Variants in SSBP2 observed in about 807,000 individuals in gnomAD.
SSBP2 encodes single stranded DNA binding protein 2, also known as single-stranded DNA-binding protein 2.
SSBP2 carries 17 observed loss-of-function variants against 61.8 expected under a neutral mutation model. That is an observed-to-expected ratio of 0.28 (90% CI 0.19 to 0.41). The LOEUF (loss-of-function observed/expected upper bound fraction) is 0.41. Ranked by LOEUF, SSBP2 falls within the 10% of genes least tolerant of loss-of-function variation. The pLI is 1.00. For synonymous variants in SSBP2, 139 were observed against 141.3 expected, an observed-to-expected ratio of 0.98 and a Z score of 0.12; for missense variants, 310 against 458.7, an observed-to-expected ratio of 0.68 and a Z score of 2.96.
chr5:81,430,876 A>T (rs1241004109), intron 15 of SSBP2, among the ~76,000 whole-genome samples: 1 of 152,232 alleles, frequency 6.6e-6, no homozygotes, highest in Non-Finnish European at 1.5e-5. Context: ...GCCTGAAGTG[A>T]TAGGACAATT....
intron 1 of SSBP2, among the ~76,000 whole-genome samples, chr5:81,665,910 A>G (rs1751086222): frequency 1.3e-5 from 2 of 152,180 alleles, no homozygotes; most frequent in Admixed American, 6.5e-5. Context: ...AGGTGACAAA[A>G]TGCCAATAGT....
chr5:81,734,887 T>G lies in SSBP2; in HGVS notation c.62+16094A>C, dbSNP rs1476869954. On this transcript the variant is annotated intron_variant, in intron 1 of 16. Coordinates refer to ENST00000320672, the MANE Select transcript of SSBP2 (RefSeq NM_012446.5). ...TCAGGAGGCTGAGGCAGGATAATGG[T>G]GTGAACCCGGGAGGAGGAGCTTGCA... Among the ~76,000 whole-genome samples, 4 of 141,138 alleles carry G rather than the reference T, an allele frequency of 2.8e-5. No homozygotes were observed. The Admixed American group carries it at 3.1e-4, about 11-fold the overall frequency. The allele number at this position is 141,138 out of a possible 152,430, so 92.6% of individuals were successfully genotyped here. A position where few individuals can be genotyped will look rare whatever the true frequency, so the allele number is the denominator to read the frequency against.
At chr5:81,493,110 A>C (rs1766982959) in intron 5 of SSBP2, among the ~76,000 whole-genome samples, 1 of 151,986 alleles carries the variant, frequency 6.6e-6, no homozygotes, top group Non-Finnish European at 1.5e-5. Context: ...TTGTTGTGTC[A>C]GATTAAAGGT....
chr5:81,689,175 C>T (rs193073731), intron 1 of SSBP2, among the ~76,000 whole-genome samples: 9 of 151,562 alleles, frequency 5.9e-5, no homozygotes, highest in African/African-American at 1.9e-4. Context: ...TGACAGTATA[C>T]AGTCAGAGGA....
In SSBP2 at chr5:81,473,683, A is replaced by C; in HGVS notation, c.570+17T>G. The C allele has an allele frequency of 8.1e-6, 13 of 1,612,300 alleles. No individual in the cohort carries two copies. The highest frequency in any genetic ancestry group is 1.0e-5 in the Non-Finnish European group (12 of 1,178,448). On this transcript the variant is annotated intron_variant, in intron 8 of 16. Coordinates refer to ENST00000320672, the MANE Select transcript of SSBP2 (RefSeq NM_012446.5). ...GTTCCATATCTTTGCTATTGTAAATATGCACTGATTATTTACCTGTGGTCC... is the reference window on the plus strand; with the variant it reads ...GTTCCATATCTTTGCTATTGTAAATCTGCACTGATTATTTACCTGTGGTCC...
At chr5:81,706,500 A>T (rs562360061) in intron 1 of SSBP2, among the ~76,000 whole-genome samples, 100 of 152,340 alleles carry the variant, frequency 6.6e-4, no homozygotes, top group African/African-American at 2.4e-3. Flanking sequence ...AATTATTTTT[A>T]AAAATTACTG....
chr5:81,625,813 T>C (rs974399857), intron 3 of SSBP2, among the ~76,000 whole-genome samples: 3 of 152,350 alleles, frequency 2.0e-5, no homozygotes, highest in Non-Finnish European at 2.9e-5. Context: ...ATGCCAGATG[T>C]GTCCCAGAAG....
intron 16 of SSBP2, among the ~76,000 whole-genome samples, chr5:81,421,235 A>G (rs1232591330): frequency 2.6e-5 from 4 of 152,218 alleles, no homozygotes; most frequent in African/African-American, 9.6e-5. Context: ...TCTGTCACTC[A>G]GGCTGGAGTG....
At chr5:81,515,864 G>C (rs1768979856) in intron 4 of SSBP2, among the ~76,000 whole-genome samples, 1 of 151,236 alleles carries the variant, frequency 6.6e-6, no homozygotes, top group Non-Finnish European at 1.5e-5. Context: ...CTTTAAAATG[G>C]CTTCTGAATT....
At chr5:81,532,004 A>C (rs952519433) in intron 4 of SSBP2, among the ~76,000 whole-genome samples, 1 of 152,084 alleles carries the variant, frequency 6.6e-6, no homozygotes. Context: ...TGAAGTTATC[A>C]GCTGTTATTG....
chr5:81,630,609 A>G (rs1747612810), intron 3 of SSBP2, among the ~76,000 whole-genome samples: 1 of 152,150 alleles, frequency 6.6e-6, no homozygotes, highest in African/African-American at 2.4e-5. Flanking sequence ...TTATGTGCCC[A>G]TTACTTACTT....
chr5:81,610,186 C>G (rs948610912), intron 4 of SSBP2, among the ~76,000 whole-genome samples: 1 of 152,202 alleles, frequency 6.6e-6, no homozygotes, highest in Middle Eastern at 3.4e-3. Flanking sequence ...GCAGGCAGCA[C>G]GGCTGAGCAA....
intron 1 of SSBP2, among the ~76,000 whole-genome samples, chr5:81,672,617 G>T: frequency 6.6e-6 from 1 of 151,052 alleles, no homozygotes; most frequent in Non-Finnish European, 1.5e-5. Context: ...TGTTGTCCAG[G>T]CTGGAGTGTA....
intron 4 of SSBP2, among the ~76,000 whole-genome samples, chr5:81,566,724 T>C (rs1374383662): frequency 6.6e-6 from 1 of 152,172 alleles, no homozygotes; most frequent in Non-Finnish European, 1.5e-5. Flanking sequence ...AATTTAGAAC[T>C]TCATAGAGAC....
intron 16 of SSBP2, among the ~76,000 whole-genome samples, chr5:81,423,067 G>T (rs1176190968): frequency 1.3e-5 from 2 of 152,250 alleles, no homozygotes; most frequent in Admixed American, 6.5e-5. Context: ...TGGTTAGCAA[G>T]ATTTTACTAG....
At chr5:81,569,731 T>A (rs1773697775) in intron 4 of SSBP2, among the ~76,000 whole-genome samples, 1 of 152,182 alleles carries the variant, frequency 6.6e-6, no homozygotes, top group Non-Finnish European at 1.5e-5. Context: ...GACTGCTTTT[T>A]GCTGGCAGGT....
intron 4 of SSBP2, among the ~76,000 whole-genome samples, chr5:81,581,709 G>C (rs1774663614): frequency 6.6e-6 from 1 of 152,214 alleles, no homozygotes; most frequent in East Asian, 1.9e-4. Context: ...GAATAGTCTT[G>C]TTCTCCTAAT....
intron 1 of SSBP2, among the ~76,000 whole-genome samples, chr5:81,708,245 A>C (rs1285358985): frequency 6.6e-6 from 1 of 152,134 alleles, no homozygotes; most frequent in Non-Finnish European, 1.5e-5. Context: ...CAGAAAAGGA[A>C]ATAGGAATTG....
chr5:81,706,750 G>A (rs1001620845), intron 1 of SSBP2, among the ~76,000 whole-genome samples: 3 of 152,106 alleles, frequency 2.0e-5, no homozygotes, highest in South Asian at 2.1e-4. Flanking sequence ...TCTTCTTACC[G>A]TTTGTTTATG....
Sources: allele counts gnomAD v4.1 joint callset (sites outside exome capture counted in the v4.1 genomes callset), GRCh38; gene constraint gnomAD v4.1.1; transcripts MANE v1.5; gene names NCBI Gene and HGNC (gene_info 2026-07-23, HGNC 2026-07-21).